The following TRHDE variants were observed in gnomAD, a reference collection of about 807,000 sequenced individuals.
TRHDE encodes the protein thyrotropin releasing hormone degrading enzyme.
A neutral mutation model predicts 125.7 loss-of-function variants in TRHDE; 72 were observed. The observed-to-expected ratio is 0.57, with a 90% CI of 0.47 to 0.70. The LOEUF is 0.70. TRHDE is among the 30% of genes least tolerant of loss of function. The pLI is 0.00. For missense variants in TRHDE, 1,110 were observed against 1,327.1 expected (o/e 0.84, Z 2.54); for synonymous variants, 509 against 509.1 (o/e 1.00, Z 0.00).
intron 10 of TRHDE, 104 bp from the exon 11 acceptor site, chr12:72,575,150 CA>C: frequency 9.5e-7 from 1 of 1,048,620 alleles, no homozygotes; most frequent in South Asian, 1.6e-5. Flanking sequence ...TTTAAGATGA[CA>C]TTCACTTAAT....
chr12:72,427,496 T>G (rs756025258), intron 3 of TRHDE, among the ~76,000 whole-genome samples: 43 of 152,114 alleles, frequency 2.8e-4, no homozygotes, highest in Non-Finnish European at 4.0e-4. Flanking sequence ...TACTCTTCTT[T>G]TAGTCTCAAT....
At chr12:72,207,515 G>A (rs1157905050) in intron 2 of TRHDE, among the ~76,000 whole-genome samples, 2 of 152,140 alleles carry the variant, frequency 1.3e-5, no homozygotes, top group Non-Finnish European at 2.9e-5. Context: ...AGCAACTTTA[G>A]TATATGGCTA....
At chr12:72,298,829 C>T (rs903493309) in intron 2 of TRHDE, among the ~76,000 whole-genome samples, 1 of 152,124 alleles carries the variant, frequency 6.6e-6, no homozygotes, top group Admixed American at 6.5e-5. Context: ...CATTATTTAC[C>T]TGACCAGGAT....
intron 1 of TRHDE, among the ~76,000 whole-genome samples, chr12:72,089,353 G>T (rs1320915013): frequency 2.6e-5 from 4 of 152,028 alleles, no homozygotes; most frequent in African/African-American, 7.3e-5. Context: ...ACTATACATT[G>T]GATTCCATTT....
chr12:72,267,527 G>A (rs1202763951), upstream of TRHDE, among the ~76,000 whole-genome samples: 1 of 151,856 alleles, frequency 6.6e-6, no homozygotes, highest in African/African-American at 2.4e-5. Flanking sequence ...AAAACACATA[G>A]TATAATATTA....
intron 2 of TRHDE, among the ~76,000 whole-genome samples, chr12:72,170,708 G>T (rs914077312): frequency 1.3e-5 from 2 of 152,100 alleles, no homozygotes; most frequent in African/African-American, 4.8e-5. Context: ...AGATGCTGCT[G>T]GTTTGGAGAC....
rs552925013 is a variant in TRHDE at position 72,191,806 on chromosome 12, G to T, written n.279+86054G>T. On this transcript the variant is annotated intron_variant and non_coding_transcript_variant, in intron 2 of 4. Coordinates refer to the TRHDE transcript ENST00000548156. ...ATGGAATGTGCTACAGAATAAAAGTGTAAACAAGCCTTAATATAATACAAA... is the reference window on the plus strand; with the variant it reads ...ATGGAATGTGCTACAGAATAAAAGTTTAAACAAGCCTTAATATAATACAAA... 2.7e-4 allele frequency among the ~76,000 whole-genome samples: 41 copies of T among 152,246 alleles called. No individual in the cohort carries two copies. The South Asian group carries it at 8.3e-3, about 31-fold the overall frequency.
chr12:72,103,125 G>T (rs1322089201), intron 1 of TRHDE, among the ~76,000 whole-genome samples: 3 of 152,190 alleles, frequency 2.0e-5, no homozygotes, highest in Non-Finnish European at 1.5e-5. Context: ...GTCCCAGAGA[G>T]CCCAGTCTGA....
chr12:72,516,718 G>A (rs1197304930), intron 6 of TRHDE, among the ~76,000 whole-genome samples: 1 of 150,684 alleles, frequency 6.6e-6, no homozygotes, highest in African/African-American at 2.4e-5. Context: ...TCCCTGTCTT[G>A]TGCCAGTTTT....
At chr12:72,513,490 C>T (rs1029726313) in intron 6 of TRHDE, among the ~76,000 whole-genome samples, 9 of 152,108 alleles carry the variant, frequency 5.9e-5, no homozygotes, top group Non-Finnish European at 1.2e-4. Context: ...TGAGGACCTA[C>T]TGAGAAAATT....
chr12:72,401,522 A>G (rs1409616720), intron 3 of TRHDE, among the ~76,000 whole-genome samples: 2 of 152,222 alleles, frequency 1.3e-5, no homozygotes, highest in Non-Finnish European at 2.9e-5. Flanking sequence ...TTTCCTTTAC[A>G]CTGGCAATTG....
chr12:72,286,599 T>C, intron 1 of TRHDE, 82 bp from the exon 2 acceptor site: 1 of 1,303,136 alleles, frequency 7.7e-7, no homozygotes, highest in East Asian at 2.3e-5. Flanking sequence ...AATATATTAT[T>C]TCATCAACAG....
chr12:72,089,294 G>A (rs756109104), intron 1 of TRHDE, among the ~76,000 whole-genome samples: 5 of 152,242 alleles, frequency 3.3e-5, no homozygotes, highest in Admixed American at 6.5e-5. Context: ...GCTTGAGCCT[G>A]CCAGAGAGAT....
chr12:72,199,601 A>C (rs747021181), intron 2 of TRHDE, among the ~76,000 whole-genome samples: 4 of 152,108 alleles, frequency 2.6e-5, no homozygotes, highest in Non-Finnish European at 5.9e-5. Flanking sequence ...GTGCCCTAAC[A>C]CTCCTACAAA....
chr12:72,323,806 G>A (rs192706974), intron 2 of TRHDE, among the ~76,000 whole-genome samples: 10 of 149,464 alleles, frequency 6.7e-5, no homozygotes, highest in African/African-American at 2.4e-4. Context: ...TGGGGTTCTT[G>A]CAAGATGAAA....
intron 5 of TRHDE, among the ~76,000 whole-genome samples, chr12:72,496,890 G>A (rs1053793328): frequency 6.6e-6 from 1 of 152,032 alleles, no homozygotes; most frequent in African/African-American, 2.4e-5. Flanking sequence ...TAGTGACACA[G>A]GTCTTTATAA....
intron 2 of TRHDE, among the ~76,000 whole-genome samples, chr12:72,361,177 G>T (rs189510167): frequency 3.3e-4 from 50 of 151,862 alleles, no homozygotes; most frequent in Middle Eastern, 6.8e-3. Flanking sequence ...CTGTGGAATT[G>T]CTCTTTAAAG....
chr12:72,319,577 C>T (rs372681236), intron 2 of TRHDE, among the ~76,000 whole-genome samples: 10 of 152,250 alleles, frequency 6.6e-5, no homozygotes, highest in African/African-American at 2.4e-4. Flanking sequence ...CTTTCTCTAT[C>T]TTTCTCTATC....
At chr12:72,268,493 G>A (rs1879119593), upstream of TRHDE, among the ~76,000 whole-genome samples, 1 of 152,046 alleles carries the variant, frequency 6.6e-6, no homozygotes, top group Non-Finnish European at 1.5e-5. Flanking sequence ...TTGAGAAATT[G>A]AGTCCATTAA....
Sources: allele counts gnomAD v4.1 joint callset (sites outside exome capture counted in the v4.1 genomes callset), GRCh38; gene constraint gnomAD v4.1.1; transcripts MANE v1.5; gene names NCBI Gene and HGNC (gene_info 2026-07-23, HGNC 2026-07-21).